The following SVIL variants were observed in gnomAD, a reference collection of about 807,000 sequenced individuals.
SVIL encodes archvillin.
SVIL carries 101 observed loss-of-function variants against 240.4 expected under a neutral mutation model. The observed-to-expected ratio is 0.42, with a 90% confidence interval of 0.36 to 0.50. The LOEUF (loss-of-function observed/expected upper bound fraction) is 0.50. Among genes scored for constraint, SVIL ranks in the 20% least tolerant of loss-of-function variants. The pLI is 0.01. For missense variants in SVIL, 2,512 were observed against 2,818.7 expected, an observed-to-expected ratio of 0.89 and a Z score of 2.46; for synonymous variants, 999 against 1,100.0, an observed-to-expected ratio of 0.91 and a Z score of 1.82.
At chr10:29,721,816 C>A (rs1963998759) in intron 1 of SVIL, among the ~76,000 whole-genome samples, 1 of 152,166 alleles carries the variant, frequency 6.6e-6, no homozygotes. Context: ...CAGTCCATAT[C>A]CATGTTGACT....
chr10:29,545,973 C>T (rs775086179), intron 6 of SVIL, among the ~76,000 whole-genome samples: 1 of 151,838 alleles, frequency 6.6e-6, no homozygotes, highest in Non-Finnish European at 1.5e-5. Context: ...GAGTGATGGC[C>T]GGATGCTCAG....
rs545820461 is a variant in SVIL at position 29,509,956 on chromosome 10, G to A, written c.3516+2779C>T. On this transcript the variant is annotated intron_variant, in intron 17 of 37. Transcript: ENST00000355867. ...CTTGCTTTGTCACCCGAGCTGGAGTGCAGTGGCACAAATACTGCTCATTGC... is the reference window on the plus strand; with the variant it reads ...CTTGCTTTGTCACCCGAGCTGGAGTACAGTGGCACAAATACTGCTCATTGC... 2.0e-5 allele frequency among the ~76,000 whole-genome samples: 3 copies of A among 152,328 alleles called. No individual in the cohort carries two copies. In the East Asian group the frequency reaches 5.8e-4, roughly 29 times the overall value.
At chr10:29,552,029 G>GGA (rs1350811398) in intron 5 of SVIL, among the ~76,000 whole-genome samples, 112 of 151,694 alleles carry the variant, frequency 7.4e-4, no homozygotes, top group African/African-American at 2.6e-3. Flanking sequence ...TGGGCAGATA[G>GGA]CTTCAGCCCA....
intron 6 of SVIL, among the ~76,000 whole-genome samples, chr10:29,547,789 CTCA>C (rs1298337626): frequency 6.6e-6 from 1 of 152,138 alleles, no homozygotes; most frequent in Non-Finnish European, 1.5e-5. Context: ...TTCAACAGCT[CTCA>C]TCATGTGGCA....
intron 34 of SVIL, among the ~76,000 whole-genome samples, chr10:29,464,069 C>T (rs1028123086): frequency 4.6e-5 from 7 of 152,200 alleles, no homozygotes; most frequent in African/African-American, 7.2e-5. Flanking sequence ...AGGTCAGTGG[C>T]GTTCCTGCCC....
intron 6 of SVIL, among the ~76,000 whole-genome samples, chr10:29,539,119 T>C (rs190216837): frequency 1.7e-4 from 26 of 152,204 alleles, no homozygotes; most frequent in Admixed American, 1.6e-3. Flanking sequence ...GAGCTATGAT[T>C]GCACCACTGC....
chr10:29,674,784 A>G (rs1033163373), intron 2 of SVIL, among the ~76,000 whole-genome samples: 1 of 152,018 alleles, frequency 6.6e-6, no homozygotes, highest in Non-Finnish European at 1.5e-5. Flanking sequence ...TCTCAAGGAG[A>G]ATCCATTTTC....
intron 1 of SVIL, among the ~76,000 whole-genome samples, chr10:29,587,060 C>T (rs1024865128): frequency 7.9e-5 from 12 of 152,172 alleles, no homozygotes; most frequent in African/African-American, 2.9e-4. Context: ...AACAAATTTT[C>T]CCGATAAAGT....
At chr10:29,589,222 A>G (rs1956290450) in intron 1 of SVIL, among the ~76,000 whole-genome samples, 1 of 152,190 alleles carries the variant, frequency 6.6e-6, no homozygotes, top group African/African-American at 2.4e-5. Flanking sequence ...CGGAGTTTTA[A>G]GTAACACCAA....
chr10:29,542,028 C>T (rs1286931161), intron 6 of SVIL, among the ~76,000 whole-genome samples: 1 of 152,220 alleles, frequency 6.6e-6, no homozygotes, highest in Non-Finnish European at 1.5e-5. Context: ...AAAAGGCTGT[C>T]ACCAGAAGGG....
chr10:29,465,611 G>A lies in SVIL; in HGVS notation c.6117C>T (p.Tyr2039=), dbSNP rs1259726941. The A allele has an allele frequency of 6.2e-7, 1 of 1,613,870 alleles. No individual in the cohort carries two copies. Residue 2039 remains tyrosine (Y), a synonymous_variant, in exon 34 of 38, where the codon TAC becomes TAT. Coordinates refer to ENST00000355867, the MANE Select transcript of SVIL (RefSeq NM_021738.3). The part of the protein sequence containing the change: ...SSMPFLQEDL[Y]SAPQPALFLV... ...AGGCCTTACCTGGCTGGGGCGCGCT[G>A]TACAGATCTTCCTGCAGGAAGGGCA...
intron 17 of SVIL, among the ~76,000 whole-genome samples, chr10:29,505,135 C>T (rs1453192862): frequency 5.3e-5 from 8 of 152,110 alleles, no homozygotes; most frequent in Admixed American, 4.6e-4. Context: ...CCAGCCTGGC[C>T]AACATGGCGA....
At chr10:29,647,623 A>AGG (rs199543573) in intron 3 of SVIL, among the ~76,000 whole-genome samples, 7 of 129,194 alleles carry the variant, frequency 5.4e-5, no homozygotes, top group East Asian at 2.5e-4. Context: ...ATGCAAATAT[A>AGG]GGTGTGTGTG....
chr10:29,532,111 T>C lies in SVIL; in HGVS notation c.1900A>G (p.Arg634Gly). The part of the protein sequence containing the change: ...PGLPTGVERE[R>G]GSRKPRRYFS... ...TAGCGTCTTGGTTTCCGGGACCCTC[T>C]CTCCCGTTCCACACCGGTGGGCAAG... is the stretch of plus-strand genomic sequence containing the variant. The change falls in exon 9 of 38, where the codon AGA becomes GGA. Residue 634 changes from arginine (R) to glycine (G), a missense_variant. Transcript: ENST00000355867. The C allele has an allele frequency of 6.2e-7, 1 of 1,614,006 alleles. No homozygotes were observed. The highest frequency in any genetic ancestry group is 8.5e-7 in the Non-Finnish European group (1 of 1,179,886).
chr10:29,484,950 G>A lies in SVIL; in HGVS notation c.4780-119C>T, dbSNP rs1947253820. The stretch of plus-strand genomic sequence containing the variant: ...CGGAGGAAGACAGAAATCCTAACGG[G>A]GCGACCAACACAGACACAAAAAGGC... On this transcript the variant is annotated intron_variant, in intron 26 of 37. Coordinates refer to ENST00000355867, the MANE Select transcript of SVIL (RefSeq NM_021738.3). This position sits in a 1 kb window ranked among gnomAD's most constrained non-coding sequence, Gnocchi z 4.7. 1 of 1,094,870 alleles carries A rather than the reference G, an allele frequency of 9.1e-7. No homozygotes were observed. Among genetic ancestry groups the A allele is most frequent in the African/African-American group, 1.6e-5 (1 of 62,270 alleles). 67.8% of individuals were successfully genotyped at this position (1,094,870 alleles called of 1,614,324 possible).
chr10:29,600,529 G>C (rs1215757245), intron 1 of SVIL, among the ~76,000 whole-genome samples: 1 of 152,170 alleles, frequency 6.6e-6, no homozygotes, highest in African/African-American at 2.4e-5. Context: ...GAAACACACA[G>C]GTTGGCTAAG....
chr10:29,488,467 G>A (rs1947637529), intron 23 of SVIL, 134 bp downstream of exon 23: 5 of 1,061,616 alleles, frequency 4.7e-6, no homozygotes, highest in Non-Finnish European at 6.3e-6. Context: ...GCATAGCAAG[G>A]AACACACAAT....
intron 1 of SVIL, among the ~76,000 whole-genome samples, chr10:29,619,291 G>A (rs1017664258): frequency 3.9e-5 from 6 of 152,268 alleles, no homozygotes; most frequent in South Asian, 2.1e-4. Context: ...GACTCCCTGC[G>A]GATGCGTATG....
At chr10:29,520,545 ATTAAT>A (rs894518235) in intron 16 of SVIL, among the ~76,000 whole-genome samples, 1 of 152,216 alleles carries the variant, frequency 6.6e-6, no homozygotes, top group African/African-American at 2.4e-5. Context: ...TAACAATGTG[ATTAAT>A]TTGTCAGTTG....
Sources: allele counts gnomAD v4.1 joint callset (sites outside exome capture counted in the v4.1 genomes callset), GRCh38; gene constraint gnomAD v4.1.1; non-coding constraint Gnocchi (gnomAD v3.1); transcripts MANE v1.5; gene names NCBI Gene and HGNC (gene_info 2026-07-23, HGNC 2026-07-21).